Variants in DCC observed in about 807,000 individuals in gnomAD.
The protein encoded by DCC is DCC netrin 1 receptor.
In DCC, 58 loss-of-function variants were observed where a neutral mutation model predicts 172.5. That is an observed-to-expected ratio of 0.34 (90% CI 0.27 to 0.42). The LOEUF (loss-of-function observed/expected upper bound fraction) is 0.42. DCC is among the 10% of genes least tolerant of loss of function. The pLI, the probability that DCC is intolerant of heterozygous loss-of-function variation, is 1.00. For synonymous variants in DCC, 709 were observed against 644.5 expected (o/e 1.10, Z -1.52); for missense variants, 1,740 against 1,791.0 (o/e 0.97, Z 0.51).
chr18:52,664,059 C>T (rs577689399), intron 1 of DCC, among the ~76,000 whole-genome samples: 18 of 152,308 alleles, frequency 1.2e-4, no homozygotes, highest in Admixed American at 1.2e-3. Context: ...ATAATTTTAT[C>T]TAAGTAGAGC....
At chr18:53,137,373 T>A (rs561962784) in intron 7 of DCC, among the ~76,000 whole-genome samples, 1 of 152,354 alleles carries the variant, frequency 6.6e-6, no homozygotes, top group South Asian at 2.1e-4. Flanking sequence ...TGATACCTGA[T>A]GACTATCCTC....
At chr18:52,657,420 C>A (rs1188717436) in intron 1 of DCC, among the ~76,000 whole-genome samples, 1 of 152,140 alleles carries the variant, frequency 6.6e-6, no homozygotes, top group Non-Finnish European at 1.5e-5. Flanking sequence ...GCTGAGGGGC[C>A]CCTTAGGAGA....
At chr18:52,451,107 T>A (rs1438144759) in intron 1 of DCC, among the ~76,000 whole-genome samples, 1 of 152,174 alleles carries the variant, frequency 6.6e-6, no homozygotes, top group East Asian at 1.9e-4. Context: ...GAGGCAGGGA[T>A]TAAATATCCA....
chr18:53,198,280 A>G (rs2055479706), intron 9 of DCC, among the ~76,000 whole-genome samples: 1 of 152,130 alleles, frequency 6.6e-6, no homozygotes, highest in African/African-American at 2.4e-5. Context: ...AAAAATATAC[A>G]TATTACAACT....
intron 7 of DCC, among the ~76,000 whole-genome samples, chr18:53,151,125 A>G (rs951630129): frequency 1.3e-5 from 2 of 152,240 alleles, no homozygotes; most frequent in African/African-American, 4.8e-5. Context: ...TGAATGGATT[A>G]ATAATTGGAT....
chr18:53,168,533 G>A (rs926803721), intron 8 of DCC, among the ~76,000 whole-genome samples: 3 of 146,030 alleles, frequency 2.1e-5, no homozygotes, highest in African/African-American at 7.6e-5. Context: ...CATGGACACA[G>A]GGAGGGGAAC....
At chr18:52,359,949 T>C (rs1278746000) in intron 1 of DCC, among the ~76,000 whole-genome samples, 5 of 152,222 alleles carry the variant, frequency 3.3e-5, no homozygotes, top group Admixed American at 6.5e-5. Context: ...TGCAGACTTA[T>C]GATTTAAATC....
rs1445838726 is a variant in DCC at position 53,087,796 on chromosome 18, G to T, written c.1261+21630G>T. Among the ~76,000 whole-genome samples, 3 of 152,114 alleles carry T rather than the reference G, an allele frequency of 2.0e-5. No homozygotes were observed. The East Asian group carries it at 5.8e-4, about 29-fold the overall frequency. On this transcript the variant is annotated intron_variant, in intron 7 of 28. Transcript: ENST00000442544. ...ATTTTTATATAAGGTGTAAGGAAGG[G>T]GTTCAGTTTCAGCTTTCTACATATG...
chr18:52,805,211 G>T (rs1004934715), intron 2 of DCC, among the ~76,000 whole-genome samples: 1 of 152,126 alleles, frequency 6.6e-6, no homozygotes, highest in African/African-American at 2.4e-5. Flanking sequence ...CCTTCTCTCT[G>T]TGCCTTTCAA....
intron 1 of DCC, among the ~76,000 whole-genome samples, chr18:52,710,785 T>A (rs2036280506): frequency 6.6e-6 from 1 of 152,198 alleles, no homozygotes; most frequent in Non-Finnish European, 1.5e-5. Context: ...AATAGAGTAG[T>A]ATAAAGAACC....
At chr18:53,412,250 C>T (rs937372919) in intron 20 of DCC, among the ~76,000 whole-genome samples, 3 of 152,002 alleles carry the variant, frequency 2.0e-5, no homozygotes, top group African/African-American at 7.2e-5. Flanking sequence ...TATTGTCTAC[C>T]CTAAATGTCA....
chr18:53,158,621 T>A (rs2054786022), intron 8 of DCC, among the ~76,000 whole-genome samples: 1 of 151,612 alleles, frequency 6.6e-6, no homozygotes, highest in East Asian at 2.0e-4. Flanking sequence ...AATGCTCTCC[T>A]TTGTAGTTGG....
intron 1 of DCC, among the ~76,000 whole-genome samples, chr18:52,542,373 A>G (rs2032485260): frequency 6.6e-6 from 1 of 152,224 alleles, no homozygotes; most frequent in Non-Finnish European, 1.5e-5. Flanking sequence ...AGCAAAAGTA[A>G]TTTAAATTAA....
chr18:52,899,158 T>G (rs1170759838), intron 2 of DCC, among the ~76,000 whole-genome samples: 1 of 152,016 alleles, frequency 6.6e-6, no homozygotes, highest in Non-Finnish European at 1.5e-5. Context: ...TATTATTTAT[T>G]TATTTTTTAA....
At chr18:52,431,554 A>G (rs956567266) in intron 1 of DCC, among the ~76,000 whole-genome samples, 1 of 152,176 alleles carries the variant, frequency 6.6e-6, no homozygotes, top group Non-Finnish European at 1.5e-5. Flanking sequence ...AGAAAAAGAA[A>G]AAAGTATTGT....
chr18:52,522,362 C>T (rs1158205472), intron 1 of DCC, among the ~76,000 whole-genome samples: 2 of 152,176 alleles, frequency 1.3e-5, no homozygotes, highest in Admixed American at 6.5e-5. Context: ...GATGCCTCCT[C>T]TTGTTCTCTT....
chr18:53,382,887 C>A (rs529168658), intron 15 of DCC, among the ~76,000 whole-genome samples: 3 of 152,000 alleles, frequency 2.0e-5, no homozygotes, highest in African/African-American at 7.2e-5. Flanking sequence ...ATACTTAGGT[C>A]ACATACAAAT....
intron 7 of DCC, among the ~76,000 whole-genome samples, chr18:53,101,041 T>G (rs2043165225): frequency 1.3e-5 from 2 of 152,144 alleles, no homozygotes; most frequent in African/African-American, 4.8e-5. Context: ...AATTAACATT[T>G]ATTTGGATGG....
chr18:52,626,238 C>G (rs962862854), intron 1 of DCC, among the ~76,000 whole-genome samples: 1 of 152,134 alleles, frequency 6.6e-6, no homozygotes, highest in African/African-American at 2.4e-5. Context: ...ATTTTTTCTT[C>G]CTCCAGGTGC....
Sources: allele counts gnomAD v4.1 joint callset (sites outside exome capture counted in the v4.1 genomes callset), GRCh38; gene constraint gnomAD v4.1.1; transcripts MANE v1.5; gene names NCBI Gene and HGNC (gene_info 2026-07-23, HGNC 2026-07-21).